The following PHF14 variants were observed in gnomAD, a reference collection of about 807,000 sequenced individuals.
PHF14 encodes PHD finger protein 14.
In PHF14, 55 loss-of-function variants were observed where a neutral mutation model predicts 117.9. The observed-to-expected ratio is 0.47, with a 90% confidence interval of 0.38 to 0.58. The LOEUF (loss-of-function observed/expected upper bound fraction) is 0.58. Among genes scored for constraint, PHF14 ranks in the 20% least tolerant of loss-of-function variants. The pLI, the probability that PHF14 is intolerant of heterozygous loss-of-function variation, is 0.00. For missense variants in PHF14, 978 were observed against 1,122.2 expected (o/e 0.87, Z 1.84); for synonymous variants, 409 against 368.6 (o/e 1.11, Z -1.26).
chr7:10,974,783 C>G, intron 1 of PHF14, 52 bp from the exon 2 acceptor site: 1 of 905,292 alleles, frequency 1.1e-6, no homozygotes, highest in Non-Finnish European at 1.7e-6. Context: ...CACAACTCTC[C>G]CCTGTGTTTG....
At chr7:11,035,303 T>C (rs998404958) in intron 7 of PHF14, among the ~76,000 whole-genome samples, 7 of 152,138 alleles carry the variant, frequency 4.6e-5, no homozygotes, top group East Asian at 1.9e-4. Flanking sequence ...TCCACAGATT[T>C]TGGTATCCTT....
intron 5 of PHF14, among the ~76,000 whole-genome samples, chr7:11,014,373 A>G (rs1024136359): frequency 6.6e-6 from 1 of 152,180 alleles, no homozygotes; most frequent in Non-Finnish European, 1.5e-5. Flanking sequence ...AGGTATAAAA[A>G]AACTCTAAAG....
intron 16 of PHF14, among the ~76,000 whole-genome samples, chr7:11,072,080 A>G (rs1221933650): frequency 2.6e-5 from 4 of 152,182 alleles, no homozygotes; most frequent in Non-Finnish European, 4.4e-5. Flanking sequence ...CAAGACTGGT[A>G]ATTTACTAAG....
chr7:11,038,206 G>A (rs973140246), intron 10 of PHF14, among the ~76,000 whole-genome samples: 2 of 152,092 alleles, frequency 1.3e-5, no homozygotes, highest in African/African-American at 2.4e-5. Context: ...GAGGTCAAGA[G>A]ATCGAGACCA....
At chr7:11,111,885 ATATCT>A (rs1397662428) in intron 17 of PHF14, among the ~76,000 whole-genome samples, 1 of 134,694 alleles carries the variant, frequency 7.4e-6, no homozygotes, top group Non-Finnish European at 1.6e-5. Context: ...ATATATTGTA[ATATCT>A]TATAGAATCT....
At chr7:11,076,403 T>G (rs117951766) in intron 16 of PHF14, among the ~76,000 whole-genome samples, 1 of 152,106 alleles carries the variant, frequency 6.6e-6, no homozygotes, top group Admixed American at 6.5e-5. Flanking sequence ...CTTATAAGTA[T>G]GCTGTTTAGT....
chr7:11,009,035 C>CAAA (rs35700406), intron 4 of PHF14, among the ~76,000 whole-genome samples: 4 of 101,500 alleles, frequency 3.9e-5, no homozygotes, highest in Non-Finnish European at 7.6e-5. Context: ...GACTCTGTCT[C>CAAA]AAAAAAAAAA....
At chr7:11,105,732 C>T (rs1787238252) in intron 16 of PHF14, 5 of 984,658 alleles carry the variant, frequency 5.1e-6, no homozygotes, top group Non-Finnish European at 6.0e-6. Flanking sequence ...TCCCATAGTG[C>T]TCACTTTAAG....
At chr7:11,100,972 A>T (rs1787065881) in intron 16 of PHF14, among the ~76,000 whole-genome samples, 1 of 151,936 alleles carries the variant, frequency 6.6e-6, no homozygotes, top group African/African-American at 2.4e-5. Context: ...GCATCAGTGA[A>T]GCCCTTTGAA....
At chr7:11,095,934 G>T (rs533605681) in intron 16 of PHF14, among the ~76,000 whole-genome samples, 3 of 151,838 alleles carry the variant, frequency 2.0e-5, no homozygotes, top group Non-Finnish European at 4.4e-5. Context: ...ATCTCTACCT[G>T]TATATAGAAG....
chr7:11,105,086 G>T (rs1562468668), intron 16 of PHF14: 2 of 944,072 alleles, frequency 2.1e-6, no homozygotes, highest in Non-Finnish European at 2.5e-6. Flanking sequence ...GATACAGAAA[G>T]AAATCAATAA....
chr7:11,158,432 A>G (rs942410403), intron 17 of PHF14, among the ~76,000 whole-genome samples: 3 of 152,128 alleles, frequency 2.0e-5, no homozygotes, highest in Admixed American at 6.6e-5. Flanking sequence ...GGGGAACATG[A>G]TGTCAGTATA....
At chr7:11,106,823 T>C (rs1201378477) in intron 16 of PHF14, 1 of 984,552 alleles carries the variant, frequency 1.0e-6, no homozygotes, top group Non-Finnish European at 1.2e-6. Context: ...ATATTTAGTT[T>C]TTTTTAAGTG....
At chr7:11,154,086 C>G (rs1430562615) in intron 17 of PHF14, among the ~76,000 whole-genome samples, 1 of 148,612 alleles carries the variant, frequency 6.7e-6, no homozygotes, top group African/African-American at 2.5e-5. Flanking sequence ...TAGACAAACA[C>G]ATTTGAAAGA....
intron 7 of PHF14, among the ~76,000 whole-genome samples, chr7:11,032,850 T>TA (rs1784167330): frequency 6.6e-6 from 1 of 152,222 alleles, no homozygotes; most frequent in African/African-American, 2.4e-5. Context: ...GGGCTCTAGT[T>TA]ACCTCTATTT....
intron 17 of PHF14, among the ~76,000 whole-genome samples, chr7:11,153,660 T>C (rs564729095): frequency 2.0e-4 from 30 of 152,184 alleles, no homozygotes; most frequent in Middle Eastern, 6.8e-3. Context: ...GAAAAACTCA[T>C]AGAACTAGAA....
At chr7:11,136,329 T>C (rs1788219725) in intron 17 of PHF14, among the ~76,000 whole-genome samples, 1 of 152,162 alleles carries the variant, frequency 6.6e-6, no homozygotes, top group African/African-American at 2.4e-5. Flanking sequence ...TTTTCATTTT[T>C]ATTTGAGCTG....
rs140933552 is a variant in PHF14, at chr7:11,091,898, A to G, written c.2655-19452A>G. 6.1e-4 allele frequency among the ~76,000 whole-genome samples: 93 copies of G among 152,300 alleles called. 1 individual carries two copies. In the East Asian group the frequency reaches 0.017, roughly 28 times the overall value. ...CTTTAAGTAAATGACTGCGTCTTTCAGTGGATATTGAAGGTACAGCAGGAA... is the reference window on the plus strand; with the variant it reads ...CTTTAAGTAAATGACTGCGTCTTTCGGTGGATATTGAAGGTACAGCAGGAA... On this transcript the variant is annotated intron_variant, in intron 16 of 17. Coordinates refer to ENST00000634607, the MANE Select transcript of PHF14 (RefSeq NM_001007157.2).
At position 11,130,601 on chromosome 7, in the gene PHF14, AGTTTCCTCTGTT is replaced by A. The variant is rs1388635549; in HGVS notation, c.2772+19135_2772+19146del. On this transcript the variant is annotated intron_variant, in intron 17 of 17. Transcript: ENST00000634607. The surrounding 1 kb of genome is among the most constrained non-coding windows in gnomAD (Gnocchi z 4.2). ...CCCCTCATCCCTTCCTCCTTCCCCT[AGTTTCCTCTGTT>A]ACCATCTTGCATTCATGTGGTACAT... 6.6e-6 allele frequency among the ~76,000 whole-genome samples: 1 copy of A among 151,786 alleles called. No homozygotes were observed. Among genetic ancestry groups the A allele is most frequent in the East Asian group, 1.9e-4 (1 of 5,194 alleles).
Sources: gnomAD v4.1 joint callset for allele counts (sites outside exome capture counted in the v4.1 genomes callset) on GRCh38, gnomAD v4.1.1 for gene constraint, Gnocchi (gnomAD v3.1) non-coding constraint, MANE v1.5 for transcripts, NCBI Gene and HGNC (gene_info 2026-07-23, HGNC 2026-07-21) for gene names.